NKIRAS1: variants seen among roughly 807,000 people sequenced by gnomAD.
NKIRAS1 encodes the protein NFKB inhibitor interacting Ras like 1, also known as NF-kappa-B inhibitor-interacting Ras-like protein 1.
A neutral mutation model predicts 19.8 loss-of-function variants in NKIRAS1; 16 were observed. The ratio of observed to expected loss-of-function variants is 0.81; its 90% CI spans 0.55 to 1.23. The LOEUF is 1.23. Among genes scored for constraint, NKIRAS1 ranks in the 50% most tolerant of loss-of-function variants. The pLI, the probability that NKIRAS1 is intolerant of heterozygous loss-of-function variation, is 0.00. For synonymous variants in NKIRAS1, 88 were observed against 79.0 expected (o/e 1.11, Z -0.61); for missense variants, 184 against 220.0 (o/e 0.84, Z 1.04).
chr3:23,941,959 C>CTTTATTTA (rs1022866396), intron 1 of NKIRAS1, among the ~76,000 whole-genome samples: 4 of 144,700 alleles, frequency 2.8e-5, no homozygotes, highest in African/African-American at 1.0e-4. Flanking sequence ...TTTAAATAGT[C>CTTTATTTA]TTTATTTATT....
At chr3:23,946,525 G>C (rs1311495975) in exon 1 of NKIRAS1, 1 of 153,724 alleles carries the variant, frequency 6.5e-6, no homozygotes, top group Non-Finnish European at 1.4e-5. Context: ...TTTGCTCTAG[G>C]ACGCGACCTG....
At chr3:23,943,783 C>A (rs1387776197) in intron 1 of NKIRAS1, among the ~76,000 whole-genome samples, 1 of 152,124 alleles carries the variant, frequency 6.6e-6, no homozygotes, top group Non-Finnish European at 1.5e-5. Flanking sequence ...TAGAGGGCTA[C>A]CGTGATTAGG....
intron 1 of NKIRAS1, among the ~76,000 whole-genome samples, chr3:23,925,898 A>C (rs1414890158): frequency 1.3e-5 from 2 of 152,186 alleles, no homozygotes; most frequent in African/African-American, 2.4e-5. Context: ...TTTAAAATTT[A>C]AATAGGATTT....
chr3:23,909,319 C>T lies in NKIRAS1; in HGVS notation c.94+1492G>A, dbSNP rs963401671. On this transcript the variant is annotated intron_variant, in intron 3 of 4. Coordinates refer to ENST00000425478, the MANE Select transcript of NKIRAS1 (RefSeq NM_020345.4). ...GGGGGATCACTTGAGGTCAGGAGTT[C>T]GAGACCAGCCTGGCCAACGTGGTGA... Among the ~76,000 whole-genome samples, 6 of 151,944 alleles carry T rather than the reference C, an allele frequency of 3.9e-5. No homozygotes were observed. In the South Asian group the frequency reaches 6.2e-4, roughly 16 times the overall value.
Position 23,927,879 on chromosome 3 carries a change from G to A in NKIRAS1, c.-139-16429C>T, listed in dbSNP as rs937044397. Among the ~76,000 whole-genome samples, 1 of 152,106 alleles carries A rather than the reference G, an allele frequency of 6.6e-6. No individual in the cohort carries two copies. Among genetic ancestry groups the A allele is most frequent in the African/African-American group, 2.4e-5 (1 of 41,400 alleles). ...GGACTGCTTGAGCCCAGGAGTTCCA[G>A]ACCAGCCTGGGCAACATGGTGAGAT... is the stretch of plus-strand genomic sequence containing the variant. On this transcript the variant is annotated intron_variant, in intron 1 of 4. Transcript: ENST00000421515. The surrounding 1 kb of genome is among the most constrained non-coding windows in gnomAD (Gnocchi z 4.0).
At chr3:23,929,765 T>C (rs1705273475) in intron 1 of NKIRAS1, among the ~76,000 whole-genome samples, 1 of 152,134 alleles carries the variant, frequency 6.6e-6, no homozygotes, top group African/African-American at 2.4e-5. Context: ...GTACTTAAAA[T>C]TTGTGGGATG....
At chr3:23,905,077 C>T (rs1702894209) in intron 3 of NKIRAS1, among the ~76,000 whole-genome samples, 1 of 152,200 alleles carries the variant, frequency 6.6e-6, no homozygotes, top group Non-Finnish European at 1.5e-5. Context: ...GATCTTCCCA[C>T]CTCGGCCTCC....
upstream of NKIRAS1, chr3:23,918,975 A>G: frequency 1.7e-6 from 1 of 587,774 alleles, no homozygotes; most frequent in Non-Finnish European, 3.0e-6. Context: ...GGAATGGAGT[A>G]TTAAGAGGGA....
chr3:23,939,760 C>T (rs1448088220), intron 1 of NKIRAS1, among the ~76,000 whole-genome samples: 1 of 151,754 alleles, frequency 6.6e-6, no homozygotes, highest in Non-Finnish European at 1.5e-5. Context: ...AACAAACAAA[C>T]AAACAAAAAA....
intron 1 of NKIRAS1, among the ~76,000 whole-genome samples, chr3:23,930,323 C>G (rs981543418): frequency 6.6e-6 from 1 of 152,130 alleles, no homozygotes; most frequent in Non-Finnish European, 1.5e-5. Flanking sequence ...CTGCTAAGCC[C>G]AGCACTTTGG....
chr3:23,919,804 C>A (rs1704971233), upstream of NKIRAS1: 3 of 1,071,248 alleles, frequency 2.8e-6, no homozygotes, highest in Non-Finnish European at 3.4e-6. Context: ...GAAACTAGCC[C>A]TGTAGATTTG....
intron 3 of NKIRAS1, among the ~76,000 whole-genome samples, chr3:23,910,188 C>T (rs1330036001): frequency 7.6e-6 from 1 of 131,290 alleles, no homozygotes; most frequent in African/African-American, 3.0e-5. Context: ...GACAGAGTCT[C>T]GCTCTGTAGC....
At chr3:23,946,012 G>A (rs1357525090) in intron 1 of NKIRAS1, 2 of 734,894 alleles carry the variant, frequency 2.7e-6, no homozygotes, top group Non-Finnish European at 3.3e-6. Context: ...CGGGGCCGCA[G>A]GGACACGTGG....
At chr3:23,921,905 C>A, upstream of NKIRAS1, 1 of 387,214 alleles carries the variant, frequency 2.6e-6, no homozygotes, top group East Asian at 4.7e-5. Context: ...GACAGGATCT[C>A]ACTATGTTGC....
At chr3:23,938,730 A>C (rs1438593899) in intron 1 of NKIRAS1, among the ~76,000 whole-genome samples, 1 of 152,184 alleles carries the variant, frequency 6.6e-6, no homozygotes, top group African/African-American at 2.4e-5. Context: ...CCTTTTAACC[A>C]ATAATGCAGC....
chr3:23,924,044 G>C (rs1348042649), intron 1 of NKIRAS1: 1 of 152,122 alleles, frequency 6.6e-6, no homozygotes, highest in Admixed American at 6.5e-5. Flanking sequence ...AACAACAGTT[G>C]GTATGCCTCC....
intron 1 of NKIRAS1, among the ~76,000 whole-genome samples, chr3:23,928,903 A>C (rs1419362458): frequency 3.3e-5 from 5 of 151,734 alleles, no homozygotes; most frequent in Admixed American, 3.3e-4. Context: ...AGGCTGAAGC[A>C]GGAGAATTGC....
chr3:23,918,899 A>G, upstream of NKIRAS1: 1 of 519,518 alleles, frequency 1.9e-6, no homozygotes, highest in Non-Finnish European at 3.4e-6. Flanking sequence ...AGTTGTATGG[A>G]AAAAGATAAG....
At chr3:23,921,525 A>C (rs1705079125), upstream of NKIRAS1, 1 of 660,228 alleles carries the variant, frequency 1.5e-6, no homozygotes, top group African/African-American at 2.0e-5. Context: ...TTGCTTTACT[A>C]TTTCTATATT....
Sources: gnomAD v4.1 joint callset for allele counts (sites outside exome capture counted in the v4.1 genomes callset) on GRCh38, gnomAD v4.1.1 for gene constraint, Gnocchi (gnomAD v3.1) non-coding constraint, MANE v1.5 for transcripts, NCBI Gene and HGNC (gene_info 2026-07-23, HGNC 2026-07-21) for gene names.